ABTB2: variants seen among roughly 807,000 people sequenced by gnomAD.
ABTB2 encodes ankyrin repeat and BTB domain containing 2.
A neutral mutation model predicts 104.1 loss-of-function variants in ABTB2; 56 were observed. The ratio of observed to expected loss-of-function variants is 0.54; its 90% CI spans 0.43 to 0.67. ABTB2 has a LOEUF of 0.67. Ranked by LOEUF, ABTB2 falls within the 30% of genes least tolerant of loss-of-function variation. The pLI, the probability that ABTB2 is intolerant of heterozygous loss-of-function variation, is 0.00. For missense variants in ABTB2, 1,279 were observed against 1,407.7 expected (o/e 0.91, Z 1.46); for synonymous variants, 606 against 608.2 (o/e 1.00, Z 0.05).
intron 1 of ABTB2, among the ~76,000 whole-genome samples, chr11:34,232,459 A>C (rs889124846): frequency 1.3e-5 from 2 of 151,206 alleles, no homozygotes; most frequent in African/African-American, 4.9e-5. Context: ...CAAAAAAAAA[A>C]AAAAAAATTG....
chr11:34,179,876 AC>A (rs2133023005), intron 3 of ABTB2, among the ~76,000 whole-genome samples: 1 of 152,260 alleles, frequency 6.6e-6, no homozygotes, highest in Admixed American at 6.5e-5. Context: ...TATGCAAGTT[AC>A]TTCACCTCTC....
intron 1 of ABTB2, among the ~76,000 whole-genome samples, chr11:34,303,924 T>G (rs886845407): frequency 7.9e-5 from 12 of 152,206 alleles, no homozygotes; most frequent in African/African-American, 2.4e-4. Flanking sequence ...ATTACAGGTG[T>G]AAGCCACCAC....
chr11:34,279,030 T>G (rs1215622396), intron 1 of ABTB2, among the ~76,000 whole-genome samples: 1 of 152,122 alleles, frequency 6.6e-6, no homozygotes, highest in Non-Finnish European at 1.5e-5. Context: ...GCTCCATGGG[T>G]ATAATGTGTC....
chr11:34,160,914 T>C lies in ABTB2; in HGVS notation c.2386A>G (p.Lys796Glu). ...EGLQLMFDIL[K>E]TSKNDSVIQQ... ...CTGGCCACACTTACTTTGCTGGTCT[T>C]GAGGATGTCGAACATGAGCTGCAAG... Residue 796 changes from lysine to glutamate, a missense_variant, in exon 11 of 17, where the codon AAG (lysine) becomes GAG (glutamate). Transcript: ENST00000435224. The C allele has an allele frequency of 1.2e-6, 2 of 1,608,572 alleles. No homozygotes were observed. Among genetic ancestry groups the C allele is most frequent in the South Asian group, 1.1e-5 (1 of 90,526 alleles).
chr11:34,275,502 C>A (rs1854372719), intron 1 of ABTB2, among the ~76,000 whole-genome samples: 1 of 151,880 alleles, frequency 6.6e-6, no homozygotes, highest in African/African-American at 2.4e-5. Context: ...TTGTATCCTG[C>A]CTTAAGAGGG....
intron 1 of ABTB2, among the ~76,000 whole-genome samples, chr11:34,300,730 T>G (rs1468683313): frequency 1.3e-5 from 2 of 151,844 alleles, no homozygotes; most frequent in African/African-American, 2.4e-5. Flanking sequence ...GTGGGGGAGG[T>G]GCTCGAAGTC....
intron 1 of ABTB2, among the ~76,000 whole-genome samples, chr11:34,230,169 A>G (rs57509504): frequency 0.026 from 3,942 of 152,318 alleles, 173 homozygotes; most frequent in African/African-American, 0.091. Context: ...ACCTCTTTAC[A>G]GTTCCCTGTG....
chr11:34,304,266 C>A (rs1286359196), intron 1 of ABTB2, among the ~76,000 whole-genome samples: 1 of 152,138 alleles, frequency 6.6e-6, no homozygotes, highest in Non-Finnish European at 1.5e-5. Flanking sequence ...TTATTGTATT[C>A]TTTTTGTCTT....
At chr11:34,314,607 C>T (rs964329964) in intron 1 of ABTB2, among the ~76,000 whole-genome samples, 15 of 152,138 alleles carry the variant, frequency 9.9e-5, no homozygotes, top group Admixed American at 3.9e-4. Flanking sequence ...GAGAGGAGGA[C>T]ACTGAGGCTA....
chr11:34,330,520 A>C lies in ABTB2; in HGVS notation c.883+26181T>G, dbSNP rs148224353. Among the ~76,000 whole-genome samples, 4 of 152,380 alleles carry C rather than the reference A, an allele frequency of 2.6e-5. No homozygotes were observed. The East Asian group carries it at 7.7e-4, about 29-fold the overall frequency. Reference sequence around the variant, plus strand: ...GAGATCAAATGAGAAAGAATGTGAAAGTGCTTTGTAAAAACCATGAGAAAC... The same window carrying C: ...GAGATCAAATGAGAAAGAATGTGAACGTGCTTTGTAAAAACCATGAGAAAC... On this transcript the variant is annotated intron_variant, in intron 1 of 16. Transcript: ENST00000435224.
At chr11:34,201,360 G>C (rs1274135930) in intron 2 of ABTB2, among the ~76,000 whole-genome samples, 1 of 152,140 alleles carries the variant, frequency 6.6e-6, no homozygotes, top group African/African-American at 2.4e-5. Context: ...AAAAACAGCA[G>C]GAGAGAGTCT....
At chr11:34,270,169 G>A (rs1854296865) in intron 1 of ABTB2, among the ~76,000 whole-genome samples, 1 of 152,168 alleles carries the variant, frequency 6.6e-6, no homozygotes, top group African/African-American at 2.4e-5. Flanking sequence ...TCAGGGTGTT[G>A]ATGCAGGGCT....
At chr11:34,331,637 C>G (rs1033639717) in intron 1 of ABTB2, among the ~76,000 whole-genome samples, 2 of 152,206 alleles carry the variant, frequency 1.3e-5, no homozygotes, top group Admixed American at 6.5e-5. Context: ...AATGAGGTTA[C>G]TCTCTTACTC....
At chr11:34,171,142 G>T (rs547494953) in intron 4 of ABTB2, 71 bp from the exon 5 acceptor site, 1 of 1,531,100 alleles carries the variant, frequency 6.5e-7, no homozygotes, top group Non-Finnish European at 8.9e-7. Flanking sequence ...TGACACACAT[G>T]TGTGAGCTTT....
At chr11:34,337,360 C>A (rs537723994) in intron 1 of ABTB2, among the ~76,000 whole-genome samples, 2 of 152,268 alleles carry the variant, frequency 1.3e-5, no homozygotes, top group African/African-American at 4.8e-5. Flanking sequence ...CTGGTCTCAG[C>A]CTAGGGAAAT....
Position 34,167,937 on chromosome 11 carries a change from A to T in ABTB2, c.1619T>A (p.Met540Lys), listed in dbSNP as rs1391492773. 6.2e-7 allele frequency: 1 copy of T among 1,614,108 alleles called. No homozygotes were observed. The highest frequency in any genetic ancestry group is 1.3e-5 in the African/African-American group (1 of 74,940). ...CAAGTTTGCCCCAGCATCAATCAAC[A>T]TCTGGACCATCGCTTCGTCCCCAGC... The part of the protein sequence containing the change: ...CAAGDEAMVQ[M>K]LIDAGANLDI... Residue 540 changes from methionine to lysine, a missense_variant, in exon 6 of 17, where the codon ATG becomes AAG. Physicochemically the swap from Met to Lys is moderately conservative, Grantham distance 95 (BLOSUM62 -1). Coordinates refer to ENST00000435224, the MANE Select transcript of ABTB2 (RefSeq NM_145804.3).
chr11:34,276,715 AG>A (rs1341873615), intron 1 of ABTB2, among the ~76,000 whole-genome samples: 4 of 152,188 alleles, frequency 2.6e-5, no homozygotes, highest in African/African-American at 7.2e-5. Context: ...AAGGGGAGAG[AG>A]GGATGGACGA....
chr11:34,177,405 T>C (rs1033517924), intron 3 of ABTB2, among the ~76,000 whole-genome samples: 1 of 152,246 alleles, frequency 6.6e-6, no homozygotes, highest in African/African-American at 2.4e-5. Flanking sequence ...GAAAACTGCA[T>C]TTCCCAGTCT....
intron 14 of ABTB2, among the ~76,000 whole-genome samples, chr11:34,158,039 G>A (rs1015173323): frequency 1.3e-5 from 2 of 152,186 alleles, no homozygotes; most frequent in South Asian, 2.1e-4. Context: ...ACTGTGCTGT[G>A]AGGCCTCAAT....
Sources: allele counts gnomAD v4.1 joint callset (sites outside exome capture counted in the v4.1 genomes callset), GRCh38; gene constraint gnomAD v4.1.1; transcripts MANE v1.5; gene names NCBI Gene and HGNC (gene_info 2026-07-23, HGNC 2026-07-21).